Variants in VAT1L observed in about 807,000 individuals in gnomAD.
VAT1L encodes the protein putative NADPH-dependent quinone oxidoreductase VAT1L.
In VAT1L, 34 loss-of-function variants were observed where a neutral mutation model predicts 44.1. The observed-to-expected ratio is 0.77, with a 90% CI of 0.59 to 1.03. The LOEUF (loss-of-function observed/expected upper bound fraction) is 1.03. Ranked by LOEUF, VAT1L falls within the 50% of genes least tolerant of loss-of-function variation. The probability of loss-of-function intolerance (pLI) is 0.00; values close to 1 mark genes in which losing one functional copy is unlikely to be tolerated. For missense variants in VAT1L, 615 were observed against 538.8 expected, an observed-to-expected ratio of 1.14 and a Z score of -1.40; for synonymous variants, 253 against 202.2, an observed-to-expected ratio of 1.25 and a Z score of -2.13.
At chr16:77,814,196 A>G (rs2016312525) in intron 1 of VAT1L, among the ~76,000 whole-genome samples, 1 of 152,224 alleles carries the variant, frequency 6.6e-6, no homozygotes, top group African/African-American at 2.4e-5. Flanking sequence ...AACGCTCAGC[A>G]AAAGCTAGCT....
At chr16:77,969,973 G>T (rs1567526187) in intron 7 of VAT1L, among the ~76,000 whole-genome samples, 1 of 150,980 alleles carries the variant, frequency 6.6e-6, no homozygotes, top group African/African-American at 2.4e-5. Context: ...AGCACTTAGG[G>T]GAGGCCAACG....
At chr16:77,951,514 C>A (rs1052704212) in intron 7 of VAT1L, among the ~76,000 whole-genome samples, 9 of 152,056 alleles carry the variant, frequency 5.9e-5, no homozygotes, top group Admixed American at 5.9e-4. Flanking sequence ...CCACCGCACT[C>A]CAGCCAGGGC....
chr16:77,836,233 C>T (rs767247839), intron 3 of VAT1L, among the ~76,000 whole-genome samples: 1 of 152,086 alleles, frequency 6.6e-6, no homozygotes, highest in Non-Finnish European at 1.5e-5. Context: ...ATTCAGTGCT[C>T]TTGACACTAT....
rs1191063244 is a variant in VAT1L, at chr16:77,788,629, G to GCGCCGCAGC, written c.-52_-44dup. On this transcript the variant is annotated 5_prime_UTR_variant, in exon 1 of 9. Coordinates refer to ENST00000302536, the MANE Select transcript of VAT1L (RefSeq NM_020927.3). ...GCGGGAGAGGAGCCCCACTCCCCCA[G>GCGCCGCAGC]CGCCGCAGCCACCGCAGCCACCGCA... 21 of 1,537,236 alleles carry GCGCCGCAGC rather than the reference G, an allele frequency of 1.4e-5. No homozygotes were observed. Among genetic ancestry groups the GCGCCGCAGC allele is most frequent in the Middle Eastern group, 2.3e-4 (1 of 4,444 alleles).
intron 2 of VAT1L, among the ~76,000 whole-genome samples, chr16:77,818,062 CG>C (rs1567475945): frequency 1.3e-5 from 2 of 152,106 alleles, no homozygotes; most frequent in African/African-American, 4.8e-5. Flanking sequence ...CACTAGAACC[CG>C]GATTCAAATC....
intron 3 of VAT1L, among the ~76,000 whole-genome samples, chr16:77,857,703 A>G (rs117934733): frequency 0.022 from 3,246 of 150,210 alleles, 76 homozygotes; most frequent in East Asian, 0.083. Context: ...TATACACATC[A>G]TGGCTATATA....
intron 7 of VAT1L, among the ~76,000 whole-genome samples, chr16:77,898,411 T>C (rs2017347148): frequency 6.6e-6 from 1 of 152,132 alleles, no homozygotes; most frequent in Non-Finnish European, 1.5e-5. Flanking sequence ...TATAAAGGGC[T>C]AAAGAGATAA....
chr16:77,968,568 A>G (rs886714708), intron 7 of VAT1L, among the ~76,000 whole-genome samples: 3 of 152,174 alleles, frequency 2.0e-5, no homozygotes, highest in Admixed American at 2.0e-4. Context: ...TGCTAAAAAT[A>G]CAAAAAATTA....
intron 3 of VAT1L, among the ~76,000 whole-genome samples, chr16:77,834,217 C>T (rs2145253903): frequency 6.6e-6 from 1 of 152,240 alleles, no homozygotes; most frequent in African/African-American, 2.4e-5. Flanking sequence ...CTCTCTCTGT[C>T]CACTTTTCCT....
chr16:77,825,463 T>C lies in VAT1L; in HGVS notation c.579+2T>C. ...GTGCACTCAGCTGGTGGGGGCGTGG[T>C]AAGTCAGCTGTTTGTAACTTCTCTT... On this transcript the variant is annotated splice_donor_variant, in intron 3 of 8. Coordinates refer to ENST00000302536, the MANE Select transcript of VAT1L (RefSeq NM_020927.3). LOFTEE classifies it high-confidence loss of function. 6.4e-7 allele frequency: 1 copy of C among 1,574,132 alleles called. No homozygotes were observed. Among genetic ancestry groups the C allele is most frequent in the Non-Finnish European group, 8.6e-7 (1 of 1,158,466 alleles).
intron 7 of VAT1L, among the ~76,000 whole-genome samples, chr16:77,912,616 A>G (rs62042211): frequency 0.061 from 9,305 of 152,138 alleles, 345 homozygotes; most frequent in East Asian, 0.12. Context: ...ATAGCATCCA[A>G]TTTCAACTGG....
chr16:77,894,678 C>A (rs1232895122), intron 7 of VAT1L, among the ~76,000 whole-genome samples: 1 of 152,104 alleles, frequency 6.6e-6, no homozygotes, highest in Non-Finnish European at 1.5e-5. Flanking sequence ...AAAATGGAAT[C>A]ATACATTTTA....
At chr16:77,802,338 G>T (rs750142892) in intron 1 of VAT1L, among the ~76,000 whole-genome samples, 2 of 151,986 alleles carry the variant, frequency 1.3e-5, no homozygotes, top group Non-Finnish European at 2.9e-5. Flanking sequence ...TAAAGTTGCC[G>T]GGGCACCGTG....
rs558856999 is a variant in VAT1L at position 77,851,365 on chromosome 16, C to G, written c.580-11383C>G. 1.4e-4 allele frequency among the ~76,000 whole-genome samples: 21 copies of G among 152,290 alleles called. No individual in the cohort carries two copies. The South Asian group carries it at 3.9e-3, about 29-fold the overall frequency. ...AGTCTTTAGAGTAAGAAGAGCAGAG[C>G]TGGCCAGGCACGGTGGCTTATGCCT... On this transcript the variant is annotated intron_variant, in intron 3 of 8. Coordinates refer to ENST00000302536, the MANE Select transcript of VAT1L (RefSeq NM_020927.3).
intron 3 of VAT1L, among the ~76,000 whole-genome samples, chr16:77,844,122 A>G (rs966484761): frequency 2.6e-5 from 4 of 152,224 alleles, no homozygotes; most frequent in African/African-American, 7.2e-5. Flanking sequence ...TTATACATAT[A>G]GTATGTGTGT....
chr16:77,857,831 T>TCC lies in VAT1L; in HGVS notation c.580-4916_580-4915insCC, dbSNP rs199528273. 1.7e-3 allele frequency among the ~76,000 whole-genome samples: 214 copies of TCC among 129,144 alleles called. 2 individuals carry two copies. Among genetic ancestry groups the TCC allele is most frequent in the South Asian group, 2.1e-3 (8 of 3,822 alleles). 84.7% of individuals were successfully genotyped at this position (129,144 alleles called of 152,430 possible). On this transcript the variant is annotated intron_variant, in intron 3 of 8. Coordinates refer to ENST00000302536, the MANE Select transcript of VAT1L (RefSeq NM_020927.3). ...AGTGATTTGGATTACCTATATTATC[T>TCC]CTCTCTTTTTTTTTTTTTTAACCAT... is the stretch of plus-strand genomic sequence containing the variant.
chr16:77,918,916 T>C (rs561948007), intron 7 of VAT1L, among the ~76,000 whole-genome samples: 1 of 152,218 alleles, frequency 6.6e-6, no homozygotes, highest in African/African-American at 2.4e-5. Flanking sequence ...GAGCTTACCA[T>C]GGCTATTAGT....
intron 7 of VAT1L, among the ~76,000 whole-genome samples, chr16:77,910,438 C>T (rs967020751): frequency 3.3e-5 from 5 of 152,026 alleles, no homozygotes; most frequent in South Asian, 2.1e-4. Flanking sequence ...TTTGGGAGGC[C>T]GAGGCGGGCG....
intron 7 of VAT1L, among the ~76,000 whole-genome samples, chr16:77,965,482 G>C (rs967136401): frequency 6.6e-6 from 1 of 152,178 alleles, no homozygotes; most frequent in African/African-American, 2.4e-5. Flanking sequence ...GGCATCTTGA[G>C]GTGCTTGAAT....
Sources: gnomAD v4.1 joint callset for allele counts (sites outside exome capture counted in the v4.1 genomes callset) on GRCh38, gnomAD v4.1.1 for gene constraint, MANE v1.5 for transcripts, NCBI Gene and HGNC (gene_info 2026-07-23, HGNC 2026-07-21) for gene names.